The following SCARA5 variants were observed in gnomAD, a reference collection of about 807,000 sequenced individuals.
The protein encoded by SCARA5 is scavenger receptor class A, member 5 (putative).
A neutral mutation model predicts 46.3 loss-of-function variants in SCARA5; 45 were observed. That is an observed-to-expected ratio of 0.97 (90% CI 0.76 to 1.24). The LOEUF is 1.24. Among genes scored for constraint, SCARA5 ranks in the 50% most tolerant of loss-of-function variants. The pLI is 0.00. For missense variants in SCARA5, 680 were observed against 689.0 expected (o/e 0.99, Z 0.15); for synonymous variants, 333 against 306.5 (o/e 1.09, Z -0.90).
intron 3 of SCARA5, among the ~76,000 whole-genome samples, chr8:27,936,946 G>T (rs950829221): frequency 1.3e-5 from 2 of 152,164 alleles, no homozygotes; most frequent in Non-Finnish European, 2.9e-5. Context: ...TGGGATCCAA[G>T]ATGAATTCTA....
At chr8:27,984,763 A>G (rs958503467) in intron 2 of SCARA5, among the ~76,000 whole-genome samples, 2 of 148,566 alleles carry the variant, frequency 1.3e-5, no homozygotes, top group South Asian at 2.1e-4. Flanking sequence ...ATTCATTCAC[A>G]TATCCATTCA....
intron 3 of SCARA5, among the ~76,000 whole-genome samples, chr8:27,945,161 TAAA>T (rs1222673935): frequency 6.7e-6 from 1 of 149,050 alleles, no homozygotes; most frequent in Non-Finnish European, 1.5e-5. Flanking sequence ...AATGAGACTG[TAAA>T]AAAATAATAA....
chr8:27,962,919 T>C (rs1482189979), intron 3 of SCARA5, among the ~76,000 whole-genome samples: 1 of 152,212 alleles, frequency 6.6e-6, no homozygotes, highest in African/African-American at 2.4e-5. Context: ...AGGATGATGA[T>C]GACAACGACC....
At chr8:27,889,276 G>A (rs967575997) in intron 7 of SCARA5, among the ~76,000 whole-genome samples, 10 of 152,156 alleles carry the variant, frequency 6.6e-5, no homozygotes, top group Non-Finnish European at 2.9e-5. Flanking sequence ...CTTAGTTGTC[G>A]GCAACAGATG....
chr8:27,966,152 A>G (rs1288131042), intron 3 of SCARA5, among the ~76,000 whole-genome samples: 2 of 152,158 alleles, frequency 1.3e-5, no homozygotes, highest in Non-Finnish European at 1.5e-5. Context: ...ATGCCCCACA[A>G]TGATGCAGGA....
chr8:27,873,998 C>T (rs548230978), intron 8 of SCARA5, among the ~76,000 whole-genome samples: 11 of 152,214 alleles, frequency 7.2e-5, no homozygotes, highest in Admixed American at 3.9e-4. Context: ...TACAGCGAGC[C>T]GAGATCATGC....
intron 2 of SCARA5, among the ~76,000 whole-genome samples, chr8:27,984,643 C>T (rs1346473527): frequency 1.1e-3 from 156 of 135,884 alleles, no homozygotes; most frequent in African/African-American, 3.8e-3. Context: ...CATTCATTCA[C>T]CCATCCATTC....
intron 4 of SCARA5, among the ~76,000 whole-genome samples, chr8:27,919,256 A>G (rs117304036): frequency 1.2e-4 from 6 of 51,440 alleles, no homozygotes; most frequent in East Asian, 5.8e-4. Context: ...AGGAAGAGAA[A>G]GAGGAGAAGG....
chr8:27,980,427 G>A (rs1808595286), intron 2 of SCARA5, among the ~76,000 whole-genome samples: 2 of 152,202 alleles, frequency 1.3e-5, no homozygotes, highest in Non-Finnish European at 2.9e-5. Context: ...ACTGTACCAG[G>A]CTAGTGGGAC....
rs529126530 is a variant in SCARA5, at chr8:27,893,713, G to C, written c.1153+11065C>G. Among the ~76,000 whole-genome samples the C allele has an allele frequency of 1.2e-4, 18 of 152,274 alleles. No individual in the cohort carries two copies. The South Asian group carries it at 3.5e-3, about 30-fold the overall frequency. On this transcript the variant is annotated intron_variant, in intron 7 of 8. Coordinates refer to ENST00000354914, the MANE Select transcript of SCARA5 (RefSeq NM_173833.6). Reference sequence around the variant, plus strand: ...AGCCAGGATCTGGTTTCACTTACTCGCCCTGGCATCTCTGGACATCCCAGG... The same window carrying C: ...AGCCAGGATCTGGTTTCACTTACTCCCCCTGGCATCTCTGGACATCCCAGG...
intron 7 of SCARA5, 147 bp downstream of exon 7, chr8:27,904,631 A>G: frequency 1.3e-6 from 1 of 772,500 alleles, no homozygotes; most frequent in Non-Finnish European, 2.3e-6. Context: ...AGACCAGCAG[A>G]GCCCTAAAAA....
rs868189 is a variant in SCARA5, at chr8:27,894,319, G to A, written c.1153+10459C>T. Among the ~76,000 whole-genome samples, 169 of 152,316 alleles carry A rather than the reference G, an allele frequency of 1.1e-3. 6 individuals carry two copies. The East Asian group carries it at 0.028, about 25-fold the overall frequency. ...CTTGTTATTTTCAATCCACAGAGGCGACTCTCAGGCTGAATGCTTAAGACA... is the reference window on the plus strand; with the variant it reads ...CTTGTTATTTTCAATCCACAGAGGCAACTCTCAGGCTGAATGCTTAAGACA... On this transcript the variant is annotated intron_variant, in intron 7 of 8. Coordinates refer to ENST00000354914, the MANE Select transcript of SCARA5 (RefSeq NM_173833.6).
intron 3 of SCARA5, among the ~76,000 whole-genome samples, chr8:27,947,428 A>G (rs1808055281): frequency 1.3e-5 from 2 of 152,216 alleles, no homozygotes; most frequent in Non-Finnish European, 1.5e-5. Flanking sequence ...CTGAACACCC[A>G]TGTTCATAGC....
At chr8:27,888,061 G>T (rs767214319) in intron 7 of SCARA5, among the ~76,000 whole-genome samples, 1 of 151,702 alleles carries the variant, frequency 6.6e-6, no homozygotes, top group Non-Finnish European at 1.5e-5. Flanking sequence ...TCTGATTGAC[G>T]GACTTTTTTT....
chr8:27,975,639 T>C (rs1808511326), intron 2 of SCARA5, among the ~76,000 whole-genome samples: 1 of 152,250 alleles, frequency 6.6e-6, no homozygotes, highest in South Asian at 2.1e-4. Context: ...TCATCGATTT[T>C]GGTAACCTGA....
chr8:27,951,534 G>A (rs974397638), intron 3 of SCARA5, among the ~76,000 whole-genome samples: 2 of 152,226 alleles, frequency 1.3e-5, no homozygotes, highest in African/African-American at 4.8e-5. Flanking sequence ...CCTGCCCAAG[G>A]TCACACAGCT....
At chr8:27,882,014 T>G (rs191887292) in intron 7 of SCARA5, among the ~76,000 whole-genome samples, 132 of 152,368 alleles carry the variant, frequency 8.7e-4, no homozygotes, top group Admixed American at 4.1e-3. Context: ...TCTTCTGTGC[T>G]CCACTTATTC....
chr8:27,944,022 CAAG>C (rs1807992782), intron 3 of SCARA5, among the ~76,000 whole-genome samples: 1 of 152,164 alleles, frequency 6.6e-6, no homozygotes, highest in South Asian at 2.1e-4. Flanking sequence ...GTGTTACTGC[CAAG>C]AAGGTTTAAC....
At chr8:27,934,743 AG>A (rs1184931898) in intron 3 of SCARA5, among the ~76,000 whole-genome samples, 4 of 152,214 alleles carry the variant, frequency 2.6e-5, no homozygotes, top group Non-Finnish European at 5.9e-5. Flanking sequence ...CCCCTGGAGC[AG>A]GGGGCAGGAG....
Sources: allele counts gnomAD v4.1 joint callset (sites outside exome capture counted in the v4.1 genomes callset), GRCh38; gene constraint gnomAD v4.1.1; transcripts MANE v1.5; gene names NCBI Gene and HGNC (gene_info 2026-07-23, HGNC 2026-07-21).